Variants in GLMP observed in about 807,000 individuals in gnomAD.
The protein encoded by GLMP is kidney lysosomal membrane protein.
In GLMP, 36 loss-of-function variants were observed where a neutral mutation model predicts 39.2. The ratio of observed to expected loss-of-function variants is 0.92; its 90% CI spans 0.70 to 1.21. The LOEUF (loss-of-function observed/expected upper bound fraction) is 1.21, where lower values mean the gene tolerates loss of function less well. Among genes scored for constraint, GLMP ranks in the 50% most tolerant of loss-of-function variants. GLMP has a pLI of 0.00. For missense variants in GLMP, 454 were observed against 505.6 expected (o/e 0.90, Z 0.98); for synonymous variants, 220 against 218.9 (o/e 1.01, Z -0.04).
chr1:156,294,321 A>G (rs766897031), intron 3 of GLMP, 44 bp downstream of exon 3: 1 of 1,608,470 alleles, frequency 6.2e-7, no homozygotes, highest in Admixed American at 1.7e-5. Flanking sequence ...TCCCACCCTC[A>G]CAAATCAGCC....
At position 156,295,096 on chromosome 1, in the gene GLMP, G is replaced by A. The variant is rs916763205; in HGVS notation, c.121-80C>T. 4 of 1,202,200 alleles carry A rather than the reference G, an allele frequency of 3.3e-6. No homozygotes were observed. In the African/African-American group the frequency reaches 4.6e-5, roughly 14 times the overall value. The allele number at this position is 1,202,200 out of a possible 1,614,324, so 74.5% of individuals were successfully genotyped here. On this transcript the variant is annotated intron_variant, in intron 1 of 5. Transcript: ENST00000362007. ...CAAAAGAGAAGCTTGAGGGGAGGGGGGCTTGGAAAGTGCTGGACAAAGGAT... is the reference window on the plus strand; with the variant it reads ...CAAAAGAGAAGCTTGAGGGGAGGGGAGCTTGGAAAGTGCTGGACAAAGGAT...
At chr1:156,293,605 A>G (rs375473643) in intron 4 of GLMP, 29 bp from the exon 5 acceptor site, 112 of 1,613,480 alleles carry the variant, frequency 6.9e-5, no homozygotes, top group Non-Finnish European at 8.9e-5. Context: ...AAGGGAGGGT[A>G]AAGAGGACCA....
rs372565572 is a variant in GLMP at position 156,293,100 on chromosome 1, C to T, written c.1165G>A (p.Gly389Ser). ...TTGTGGTGCAGCAGCAGAACCAAGCCGCCCCCTAGCAGCATGAGCCCTGGG... is the reference window on the plus strand; with the variant it reads ...TTGTGGTGCAGCAGCAGAACCAAGCTGCCCCCTAGCAGCATGAGCCCTGGG... ...GAPGLMLLGGGLVLLLHHKKY... is the reference protein window; with the variant it reads ...GAPGLMLLGGSLVLLLHHKKY... The change falls in exon 6 of 6, where the codon GGC becomes AGC. Residue 389 changes from glycine (G) to serine (S), a missense_variant. Coordinates refer to ENST00000362007, the MANE Select transcript of GLMP (RefSeq NM_144580.3). 38 of 1,613,960 alleles carry T rather than the reference C, an allele frequency of 2.4e-5. No individual in the cohort carries two copies. In the African/African-American group the frequency reaches 2.4e-4, roughly 10 times the overall value.
intron 1 of GLMP, 37 bp downstream of exon 1, chr1:156,295,489 C>T: frequency 1.4e-6 from 2 of 1,462,164 alleles, no homozygotes; most frequent in Non-Finnish European, 1.8e-6. Flanking sequence ...GGTAGCGTTT[C>T]CTGAAACTTC....
At chr1:156,293,780 C>A in intron 4 of GLMP, 1 of 1,462,426 alleles carries the variant, frequency 6.8e-7, no homozygotes, top group Non-Finnish European at 9.4e-7. Context: ...TGGACTCAGC[C>A]CTCCTCTTGG....
rs1414590506 is a variant in GLMP at position 156,294,888 on chromosome 1, C to T, written c.249G>A (p.Val83=). 3.7e-6 allele frequency: 6 copies of T among 1,612,576 alleles called. No individual in the cohort carries two copies. The African/African-American group carries it at 5.4e-5, about 14-fold the overall frequency. The change falls in exon 2 of 6, where the codon GTG becomes GTA. Residue 83 remains valine (V), a synonymous_variant. Transcript: ENST00000362007. Reference sequence around the variant, plus strand: ...GGGTGCTGTGGGGGGTGTTGGTGGCCACCATTACCACTGCCAGAGGCCCCA... The same window carrying T: ...GGGTGCTGTGGGGGGTGTTGGTGGCTACCATTACCACTGCCAGAGGCCCCA... ...SSLGPLAVVM[V]ATNTPHSTLS... is the part of the protein sequence containing the mutation.
In GLMP at chr1:156,293,118, GC is replaced by G; in HGVS notation, c.1146del (p.Leu383SerfsTer4). ...ACCAAGCCGCCCCCTAGCAGCATGA[GC>G]CCTGGGGCACCCAGGGCCACTGCCA... is the stretch of plus-strand genomic sequence containing the variant. ...GIMAVALGAP[G>X]LMLLGGGLVL... is the part of the protein sequence containing the mutation. On this transcript the variant is annotated frameshift_variant, in exon 6 of 6. Coordinates refer to ENST00000362007, the MANE Select transcript of GLMP (RefSeq NM_144580.3). LOFTEE classifies it high-confidence loss of function. 6.2e-7 allele frequency: 1 copy of G among 1,614,080 alleles called. No homozygotes were observed. The highest frequency in any genetic ancestry group is 8.5e-7 in the Non-Finnish European group (1 of 1,180,006).
chr1:156,294,929 A>G lies in GLMP; in HGVS notation c.208T>C (p.Tyr70His), dbSNP rs1457239571. The G allele has an allele frequency of 6.2e-7, 1 of 1,609,596 alleles. No individual in the cohort carries two copies. Among genetic ancestry groups the G allele is most frequent in the Non-Finnish European group, 8.5e-7 (1 of 1,176,998 alleles). The change falls in exon 2 of 6, where the codon TAT becomes CAT. Residue 70 changes from tyrosine to histidine, a missense_variant. Tyr to His is a moderately conservative substitution (Grantham distance 83). Transcript: ENST00000362007. ...AGAGGCCCCAGGCTGCTCCACACAT[A>G]GTGCAGTGTGGAATTGGTGCCCACT... Reference protein sequence around the residue: ...RAVGTNSTLHYVWSSLGPLAV... With the variant: ...RAVGTNSTLHHVWSSLGPLAV...
chr1:156,295,618 C>T lies in GLMP; in HGVS notation c.28G>A (p.Gly10Ser). The change falls in exon 1 of 6, where the codon GGT (glycine) becomes AGT (serine). Residue 10 changes from glycine to serine, a missense_variant. By Grantham distance (56) the Gly-to-Ser change is moderately conservative. Transcript: ENST00000362007. ...GGGCTGGGGGCACAGTGCCCCCAAC[C>T]CCAGGTGCACTCCACAGAGCCGCGC... is the stretch of plus-strand genomic sequence containing the variant. MRGSVECTW[G>S]WGHCAPSPLL... 6.4e-7 allele frequency: 1 copy of T among 1,553,240 alleles called. No homozygotes were observed. The highest frequency in any genetic ancestry group is 8.7e-7 in the Non-Finnish European group (1 of 1,148,108).
rs755304151 is a variant in GLMP at position 156,293,495 on chromosome 1, G to A, written c.880C>T (p.Arg294Ter). The A allele has an allele frequency of 6.8e-6, 11 of 1,614,018 alleles. No homozygotes were observed. Among genetic ancestry groups the A allele is most frequent in the South Asian group, 3.3e-5 (3 of 91,084 alleles). ...GCTTGGCAGGGCAGGGCTGATTCTC[G>A]GCCCCCCGGCTTCTGGGAGTAAGCC... ...PVAYSQKPGG[R>*]ESALPCQASP... The change falls in exon 5 of 6, where the codon CGA (arginine) becomes TGA (stop). Residue 294 changes from arginine to a stop codon, truncating the protein, a stop_gained. Transcript: ENST00000362007. LOFTEE classifies it high-confidence loss of function.
At chr1:156,293,724 G>C (rs1227937671) in intron 4 of GLMP, 148 bp from the exon 5 acceptor site, 1 of 1,550,162 alleles carries the variant, frequency 6.5e-7, no homozygotes, top group Non-Finnish European at 8.7e-7. Context: ...TAAAAATGGG[G>C]AGTTCGACTG....
In GLMP at chr1:156,294,015, G is replaced by C. The variant is rs777596937; in HGVS notation, c.798+3C>G. ...CCATCTGCCTCTCTCCAGGAAGCCT[G>C]ACCTGGAAGACGGCCGGTGCATATT... On this transcript the variant is annotated splice_donor_region_variant and intron_variant, in intron 4 of 5. Transcript: ENST00000362007. 6.6e-5 allele frequency: 107 copies of C among 1,612,582 alleles called. No individual in the cohort carries two copies. The highest frequency in any genetic ancestry group is 4.7e-5 in the Non-Finnish European group (55 of 1,179,738).
chr1:156,293,763 C>T (rs994598438), intron 4 of GLMP, 187 bp from the exon 5 acceptor site: 55 of 1,522,182 alleles, frequency 3.6e-5, no homozygotes, highest in African/African-American at 5.5e-5. Flanking sequence ...TTCCAAACCT[C>T]CAAGTCTGGA....
In GLMP at chr1:156,293,602, G is replaced by T. The variant is rs754303158; in HGVS notation, c.799-26C>A. The T allele has an allele frequency of 1.9e-6, 3 of 1,613,692 alleles. No individual in the cohort carries two copies. The East Asian group carries it at 6.7e-5, about 36-fold the overall frequency. On this transcript the variant is annotated intron_variant, in intron 4 of 5. Coordinates refer to ENST00000362007, the MANE Select transcript of GLMP (RefSeq NM_144580.3). ...CTGGGAAGAAAGGCAAACAAGGGAGGGTAAAGAGGACCAACCTGTGCCCGA... is the reference window on the plus strand; with the variant it reads ...CTGGGAAGAAAGGCAAACAAGGGAGTGTAAAGAGGACCAACCTGTGCCCGA...
In GLMP at chr1:156,294,070, G is replaced by A. The variant is rs768947713; in HGVS notation, c.746C>T (p.Ser249Leu). The change falls in exon 4 of 6, where the codon TCA becomes TTA. Residue 249 changes from serine (S) to leucine (L), a missense_variant. Physicochemically the swap from Ser to Leu is moderately radical, Grantham distance 145. Coordinates refer to ENST00000362007, the MANE Select transcript of GLMP (RefSeq NM_144580.3). ...ATLGQGPDCP[S>L]MQEQHSIDDE... is the part of the protein sequence containing the mutation. ...GTCGATGGAGTGCTGCTCCTGCATT[G>A]AGGGGCAGTCAGGGCCCTGGCCCAA... 2.5e-6 allele frequency: 4 copies of A among 1,614,098 alleles called. No individual in the cohort carries two copies. In the South Asian group the frequency reaches 4.4e-5, roughly 18 times the overall value.
Position 156,294,057 on chromosome 1 carries a change from C to A in GLMP, c.759G>T (p.Gln253His). 6.2e-7 allele frequency: 1 copy of A among 1,614,034 alleles called. No individual in the cohort carries two copies. The highest frequency in any genetic ancestry group is 1.1e-5 in the South Asian group (1 of 91,074). Residue 253 changes from glutamine to histidine, a missense_variant, in exon 4 of 6, where the codon CAG (glutamine) becomes CAT (histidine). Transcript: ENST00000362007. ...GTGCATATTCATCGTCGATGGAGTG[C>A]TGCTCCTGCATTGAGGGGCAGTCAG... ...QGPDCPSMQE[Q>H]HSIDDEYAPA...
chr1:156,293,272 T>C (rs1455266878), intron 5 of GLMP, 48 bp downstream of exon 5: 11 of 1,612,282 alleles, frequency 6.8e-6, no homozygotes, highest in Non-Finnish European at 9.3e-6. Context: ...GGCTCAGCCT[T>C]TGTCCACTTC....
At position 156,293,228 on chromosome 1, in the gene GLMP, G is replaced by C; in HGVS notation, c.1056-19C>G. 3 of 1,611,486 alleles carry C rather than the reference G, an allele frequency of 1.9e-6. No homozygotes were observed. Among genetic ancestry groups the C allele is most frequent in the Non-Finnish European group, 2.5e-6 (3 of 1,178,332 alleles). On this transcript the variant is annotated intron_variant, in intron 5 of 5. Transcript: ENST00000362007. Reference sequence around the variant, plus strand: ...CATCGACCTAGAGCAAGCAGAGAGAGAGAGGTAAGCGGGCTTAGGAGGAAA... The same window carrying C: ...CATCGACCTAGAGCAAGCAGAGAGACAGAGGTAAGCGGGCTTAGGAGGAAA...
chr1:156,294,604 G>T, intron 2 of GLMP, 39 bp from the exon 3 acceptor site: 1 of 1,610,628 alleles, frequency 6.2e-7, no homozygotes, highest in Non-Finnish European at 8.5e-7. Context: ...GCTTGCCTCA[G>T]TTTTTCTCCC....
Sources: allele counts gnomAD v4.1 joint callset, GRCh38; gene constraint gnomAD v4.1.1; transcripts MANE v1.5; gene names NCBI Gene and HGNC (gene_info 2026-07-23, HGNC 2026-07-21).